Variants in PRKCZ observed in about 807,000 individuals in gnomAD.
The protein encoded by PRKCZ is protein kinase C zeta type.
In PRKCZ, 33 loss-of-function variants were observed where a neutral mutation model predicts 79.5. That is an observed-to-expected ratio of 0.41 (90% CI 0.31 to 0.55). The LOEUF is 0.55. Ranked by LOEUF, PRKCZ falls within the 20% of genes least tolerant of loss-of-function variation. The probability of loss-of-function intolerance (pLI) is 0.19; values close to 1 mark genes in which losing one functional copy is unlikely to be tolerated. For synonymous variants in PRKCZ, 342 were observed against 320.9 expected, an observed-to-expected ratio of 1.07 and a Z score of -0.70; for missense variants, 578 against 813.5, an observed-to-expected ratio of 0.71 and a Z score of 3.52.
intron 4 of PRKCZ, among the ~76,000 whole-genome samples, chr1:2,093,127 C>T (rs1375138327): frequency 6.6e-6 from 1 of 151,674 alleles, no homozygotes; most frequent in Admixed American, 6.5e-5. Context: ...GAGGACAGAG[C>T]TGCAGCTTTA....
At position 2,059,524 on chromosome 1, in the gene PRKCZ, T is replaced by TTC. The variant is rs754404745; in HGVS notation, c.284-9_284-8dup. On this transcript the variant is annotated splice_polypyrimidine_tract_variant and intron_variant, in intron 3 of 17. Coordinates refer to ENST00000378567, the MANE Select transcript of PRKCZ (RefSeq NM_002744.6). ...GCCGCAGGGTCTTGACGCTGTCTCT[T>TTC]TCTCTCTCTTGTCCAGTTTTCCCGA... is the stretch of plus-strand genomic sequence containing the variant. The TTC allele has an allele frequency of 8.7e-6, 14 of 1,614,080 alleles. No homozygotes were observed. The highest frequency in any genetic ancestry group is 1.2e-5 in the Non-Finnish European group (14 of 1,179,946).
intron 4 of PRKCZ, among the ~76,000 whole-genome samples, chr1:2,100,322 C>T (rs1004129377): frequency 2.0e-5 from 3 of 152,272 alleles, no homozygotes; most frequent in Non-Finnish European, 2.9e-5. Flanking sequence ...AGCGTCTTCA[C>T]CGCCTGGCTA....
rs1456444881 is a variant in PRKCZ at position 2,050,712 on chromosome 1, G to GAGAGGGCGGGGAGCGGCGC, written c.71+12_71+30dup. The GAGAGGGCGGGGAGCGGCGC allele has an allele frequency of 8.3e-7, 1 of 1,208,124 alleles. No homozygotes were observed. Among genetic ancestry groups the GAGAGGGCGGGGAGCGGCGC allele is most frequent in the African/African-American group, 1.6e-5 (1 of 63,750 alleles). The allele number at this position is 1,208,124 out of a possible 1,614,324, so 74.8% of individuals were successfully genotyped here. On this transcript the variant is annotated intron_variant, in intron 1 of 17. Coordinates refer to ENST00000378567, the MANE Select transcript of PRKCZ (RefSeq NM_002744.6). The stretch of plus-strand genomic sequence containing the variant: ...GGCGCATTACGGGGGGTGAGCGGCG[G>GAGAGGGCGGGGAGCGGCGC]AGAGGGCGGGGAGCGGCGCGGGTGA...
intron 9 of PRKCZ, among the ~76,000 whole-genome samples, chr1:2,152,604 C>G (rs1001548632): frequency 1.3e-5 from 2 of 152,224 alleles, no homozygotes; most frequent in Non-Finnish European, 2.9e-5. Context: ...CAGAGTTGAG[C>G]AGCTATCACC....
intron 4 of PRKCZ, among the ~76,000 whole-genome samples, chr1:2,096,461 C>T (rs866623043): frequency 2.2e-4 from 34 of 152,016 alleles, no homozygotes; most frequent in African/African-American, 7.0e-4. Flanking sequence ...ACGCCAGGAA[C>T]GCGGTTGTAC....
In PRKCZ at chr1:2,128,618, A is replaced by G. The variant is rs1428853421; in HGVS notation, c.335-6644A>G. 6.6e-6 allele frequency among the ~76,000 whole-genome samples: 1 copy of G among 152,080 alleles called. No individual in the cohort carries two copies. The highest frequency in any genetic ancestry group is 2.4e-5 in the African/African-American group (1 of 41,420). On this transcript the variant is annotated intron_variant, in intron 4 of 17. Transcript: ENST00000378567. The surrounding 1 kb of genome is among the most constrained non-coding windows in gnomAD (Gnocchi z 6.5). ...AGGAGGAGCGGCCCCTGTGATCCCC[A>G]CAATTTTGTTCCCTGCTTGCTTCAG...
Position 2,174,411 on chromosome 1 carries a change from T to C in PRKCZ, c.1406-343T>C, listed in dbSNP as rs995560741. On this transcript the variant is annotated intron_variant, in intron 14 of 17. Coordinates refer to ENST00000378567, the MANE Select transcript of PRKCZ (RefSeq NM_002744.6). The surrounding 1 kb of genome is among the most constrained non-coding windows in gnomAD (Gnocchi z 6.2). ...CCCGGGACCTGCTCCTGGTCTGGAA[T>C]TCAGTGCTGTGGGGATGTGGGATCT... Among the ~76,000 whole-genome samples, 1 of 152,200 alleles carries C rather than the reference T, an allele frequency of 6.6e-6. No homozygotes were observed. The highest frequency in any genetic ancestry group is 2.4e-5 in the African/African-American group (1 of 41,444).
At chr1:2,056,429 G>GC in intron 2 of PRKCZ, 55 bp from the exon 3 acceptor site, 1 of 1,520,258 alleles carries the variant, frequency 6.6e-7, no homozygotes, top group South Asian at 1.2e-5. Flanking sequence ...GCTCGTCACA[G>GC]CCCCCTTTGC....
intron 4 of PRKCZ, among the ~76,000 whole-genome samples, chr1:2,090,676 C>T (rs1255893692): frequency 6.6e-6 from 1 of 152,196 alleles, no homozygotes; most frequent in South Asian, 2.1e-4. Flanking sequence ...TCCTGCGCTG[C>T]GTGTGTGGTT....
intron 4 of PRKCZ, among the ~76,000 whole-genome samples, chr1:2,096,072 G>A (rs1470386570): frequency 6.6e-6 from 1 of 151,538 alleles, no homozygotes; most frequent in Admixed American, 6.6e-5. Context: ...GTCTCCTGCA[G>A]GAGCAGGCAT....
chr1:2,063,165 T>C (rs1660840712), intron 4 of PRKCZ, among the ~76,000 whole-genome samples: 1 of 152,204 alleles, frequency 6.6e-6, no homozygotes, highest in African/African-American at 2.4e-5. Flanking sequence ...TACCCATTTC[T>C]GTCAGTGGAC....
rs560687865 is a variant in PRKCZ at position 2,155,940 on chromosome 1, A to T, written c.877-55A>T. 1.1e-4 allele frequency: 167 copies of T among 1,487,300 alleles called. No homozygotes were observed. In the African/African-American group the frequency reaches 1.7e-3, roughly 15 times the overall value. 92.1% of individuals were successfully genotyped at this position (1,487,300 alleles called of 1,614,324 possible). A position where few individuals can be genotyped will look rare whatever the true frequency, so the allele number is the denominator to read the frequency against. ...CTCCCTTGCCTCCCCCTTGCCCAGG[A>T]TGCCTGTGAGGAGCATTCGGGAGCC... On this transcript the variant is annotated intron_variant, in intron 9 of 17. Coordinates refer to ENST00000378567, the MANE Select transcript of PRKCZ (RefSeq NM_002744.6).
At chr1:2,158,768 T>C (rs1472691645) in intron 10 of PRKCZ, among the ~76,000 whole-genome samples, 1 of 152,240 alleles carries the variant, frequency 6.6e-6, no homozygotes, top group African/African-American at 2.4e-5. Flanking sequence ...GTCTTTGGAC[T>C]CTTCTGTCAA....
intron 9 of PRKCZ, among the ~76,000 whole-genome samples, chr1:2,152,385 T>C (rs1680068487): frequency 6.6e-6 from 1 of 151,774 alleles, no homozygotes; most frequent in Non-Finnish European, 1.5e-5. Flanking sequence ...ATACAAAAAT[T>C]AGCCAGGTGT....
chr1:2,109,109 C>T (rs1408391559), intron 4 of PRKCZ, among the ~76,000 whole-genome samples: 1 of 152,226 alleles, frequency 6.6e-6, no homozygotes, highest in East Asian at 1.9e-4. Flanking sequence ...TCTCCCCATC[C>T]CCACGTCCTT....
At chr1:2,179,693 A>T (rs1227874956) in intron 16 of PRKCZ, among the ~76,000 whole-genome samples, 3 of 152,100 alleles carry the variant, frequency 2.0e-5, no homozygotes, top group African/African-American at 7.2e-5. Context: ...GTTGCTGGGG[A>T]GATTCTGCCT....
chr1:2,178,200 C>G lies in PRKCZ; in HGVS notation c.1575+2887C>G, dbSNP rs989409361. Among the ~76,000 whole-genome samples, 3 of 152,228 alleles carry G rather than the reference C, an allele frequency of 2.0e-5. No individual in the cohort carries two copies. The highest frequency in any genetic ancestry group is 2.0e-4 in the Admixed American group (3 of 15,288). Reference sequence around the variant, plus strand: ...TACCCAGAGAAGACCCGAACCCACTCCAGCCTCTCCCCACACCCTGCAGTG... The same window carrying G: ...TACCCAGAGAAGACCCGAACCCACTGCAGCCTCTCCCCACACCCTGCAGTG... On this transcript the variant is annotated intron_variant, in intron 16 of 17. Coordinates refer to ENST00000378567, the MANE Select transcript of PRKCZ (RefSeq NM_002744.6). The surrounding 1 kb of genome is among the most constrained non-coding windows in gnomAD (Gnocchi z 4.3).
At chr1:2,137,928 G>A (rs114715016) in intron 5 of PRKCZ, among the ~76,000 whole-genome samples, 182 of 152,360 alleles carry the variant, frequency 1.2e-3, no homozygotes, top group African/African-American at 4.3e-3. Context: ...GCCAAGGCGA[G>A]AGTGGCCCGA....
chr1:2,062,201 T>G (rs1660737470), intron 4 of PRKCZ, among the ~76,000 whole-genome samples: 1 of 152,364 alleles, frequency 6.6e-6, no homozygotes, highest in East Asian at 1.9e-4. Context: ...CATCTCTATG[T>G]AGTTACAAAC....
Sources: allele counts gnomAD v4.1 joint callset (sites outside exome capture counted in the v4.1 genomes callset), GRCh38; gene constraint gnomAD v4.1.1; non-coding constraint Gnocchi (gnomAD v3.1); transcripts MANE v1.5; gene names NCBI Gene and HGNC (gene_info 2026-07-23, HGNC 2026-07-21).